The following NELL2 variants were observed in gnomAD, a reference collection of about 807,000 sequenced individuals.
NELL2 encodes neural EGFL like 2, also known as protein kinase C-binding protein NELL2.
A neutral mutation model predicts 109.6 loss-of-function variants in NELL2; 41 were observed. The ratio of observed to expected loss-of-function variants is 0.37; its 90% CI spans 0.29 to 0.49. The LOEUF is 0.49. Ranked by LOEUF, NELL2 falls within the 20% of genes least tolerant of loss-of-function variation. The pLI, the probability that NELL2 is intolerant of heterozygous loss-of-function variation, is 0.98. For missense variants in NELL2, 900 were observed against 1,008.3 expected, an observed-to-expected ratio of 0.89 and a Z score of 1.45; for synonymous variants, 355 against 344.7, an observed-to-expected ratio of 1.03 and a Z score of -0.33.
intron 1 of NELL2, among the ~76,000 whole-genome samples, chr12:44,900,428 C>A (rs1945647644): frequency 1.3e-5 from 2 of 152,124 alleles, no homozygotes; most frequent in Admixed American, 6.5e-5. Flanking sequence ...GACCACGGTG[C>A]AATGAAATTA....
chr12:44,596,395 G>A (rs1245435835), intron 15 of NELL2, among the ~76,000 whole-genome samples: 1 of 152,004 alleles, frequency 6.6e-6, no homozygotes, highest in East Asian at 1.9e-4. Context: ...CCATTTTACT[G>A]GCTGTACAGA....
At chr12:44,673,288 T>C (rs1199805640) in intron 12 of NELL2, among the ~76,000 whole-genome samples, 1 of 152,188 alleles carries the variant, frequency 6.6e-6, no homozygotes, top group East Asian at 1.9e-4. Context: ...TGGTGGAAAA[T>C]CATGTCAAAT....
chr12:44,636,752 GT>G (rs1946649420), intron 13 of NELL2, among the ~76,000 whole-genome samples: 1 of 152,046 alleles, frequency 6.6e-6, no homozygotes, highest in Non-Finnish European at 1.5e-5. Context: ...TTCTTTTTTT[GT>G]TGTGTCTCTG....
intron 1 of NELL2, 105 bp from the exon 2 acceptor site, chr12:44,875,458 G>A (rs1945288250): frequency 6.2e-7 from 1 of 1,613,816 alleles, no homozygotes; most frequent in Admixed American, 1.7e-5. Flanking sequence ...GACAATATTG[G>A]GAACTGAAGA....
intron 15 of NELL2, among the ~76,000 whole-genome samples, chr12:44,554,730 C>T (rs1943177434): frequency 1.3e-5 from 2 of 152,160 alleles, no homozygotes; most frequent in Non-Finnish European, 2.9e-5. Flanking sequence ...TGGTGTATGA[C>T]TGTCAACAAC....
chr12:44,824,939 T>C (rs1943661682), intron 2 of NELL2, among the ~76,000 whole-genome samples: 2 of 152,044 alleles, frequency 1.3e-5, no homozygotes, highest in Non-Finnish European at 2.9e-5. Flanking sequence ...CTCAATCTCC[T>C]GACCTCGTGA....
intron 2 of NELL2, among the ~76,000 whole-genome samples, chr12:44,827,366 T>A (rs758718961): frequency 1.3e-5 from 2 of 151,778 alleles, no homozygotes; most frequent in Non-Finnish European, 2.9e-5. Context: ...CTATAGTCAC[T>A]CTGTTGTGCT....
At chr12:44,600,127 A>AATTAATTTATTT (rs1025046231) in intron 15 of NELL2, among the ~76,000 whole-genome samples, 1 of 132,186 alleles carries the variant, frequency 7.6e-6, no homozygotes, top group African/African-American at 2.9e-5. Flanking sequence ...ACGCCCGGCT[A>AATTAATTTATTT]ATTTATTTAT....
intron 3 of NELL2, among the ~76,000 whole-genome samples, chr12:44,787,479 A>G (rs913724099): frequency 6.6e-6 from 1 of 152,216 alleles, no homozygotes; most frequent in African/African-American, 2.4e-5. Context: ...AAGGACATTT[A>G]GGCTATTCAA....
At chr12:44,791,959 A>G (rs749011987) in intron 3 of NELL2, among the ~76,000 whole-genome samples, 1 of 32,438 alleles carries the variant, frequency 3.1e-5, no homozygotes, top group Non-Finnish European at 7.6e-5. Context: ...TATTACAGAC[A>G]AAAAAAAAAA....
chr12:44,863,345 T>C (rs2136812475), intron 2 of NELL2, among the ~76,000 whole-genome samples: 1 of 152,318 alleles, frequency 6.6e-6, no homozygotes, highest in African/African-American at 2.4e-5. Flanking sequence ...CAAATAAGAC[T>C]ATATCATGAC....
chr12:44,893,916 A>G (rs937853891), intron 1 of NELL2, among the ~76,000 whole-genome samples: 1 of 152,248 alleles, frequency 6.6e-6, no homozygotes, highest in African/African-American at 2.4e-5. Flanking sequence ...CAGATTAAAG[A>G]TTTTTAAATT....
At chr12:44,657,176 A>C (rs1368475506) in intron 13 of NELL2, among the ~76,000 whole-genome samples, 2 of 152,208 alleles carry the variant, frequency 1.3e-5, no homozygotes, top group Non-Finnish European at 2.9e-5. Context: ...GATGAGGAAA[A>C]GTGAAGAAAA....
chr12:44,587,284 A>AAAAATATATATAT, intron 15 of NELL2, among the ~76,000 whole-genome samples: 2 of 72,220 alleles, frequency 2.8e-5, no homozygotes, highest in African/African-American at 1.0e-4. Flanking sequence ...AAAAAAAAAA[A>AAAAATATATATAT]ATATATATAT....
intron 9 of NELL2, among the ~76,000 whole-genome samples, chr12:44,715,011 G>C (rs1325966623): frequency 2.0e-5 from 3 of 151,806 alleles, no homozygotes; most frequent in Non-Finnish European, 4.4e-5. Context: ...CCAAAAAGCA[G>C]ACTTACAGCC....
chr12:44,874,198 C>T (rs531746192), intron 2 of NELL2, among the ~76,000 whole-genome samples: 117 of 152,146 alleles, frequency 7.7e-4, no homozygotes, highest in African/African-American at 2.7e-3. Flanking sequence ...TTTGCATATC[C>T]AACTCTTTAG....
intron 2 of NELL2, among the ~76,000 whole-genome samples, chr12:44,832,615 C>G (rs1831251322): frequency 1.3e-5 from 2 of 152,192 alleles, no homozygotes; most frequent in Non-Finnish European, 1.5e-5. Flanking sequence ...GCCCAAGTAA[C>G]TAAGTAAAAG....
Position 44,714,707 on chromosome 12 carries a change from T to C in NELL2, c.1029A>G (p.Glu343=). 1 of 1,603,782 alleles carries C rather than the reference T, an allele frequency of 6.2e-7. No homozygotes were observed. Among genetic ancestry groups the C allele is most frequent in the South Asian group, 1.1e-5 (1 of 89,098 alleles). ...AGGAATAGACTGTATTTCTTTCTCC[T>C]TCAAAGTAGGTTCGTCCTTGAAATT... ...ICQFQGRTYF[E]GERNTVYSSS... The change falls in exon 10 of 20, where the codon GAA becomes GAG. Residue 343 remains glutamate (E), a synonymous_variant. Transcript: ENST00000429094.
chr12:44,565,332 C>A (rs756707513), intron 15 of NELL2, among the ~76,000 whole-genome samples: 2 of 152,138 alleles, frequency 1.3e-5, no homozygotes, highest in African/African-American at 4.8e-5. Context: ...ATATGTATCA[C>A]TAAAAATGCT....
Sources: allele counts gnomAD v4.1 joint callset (sites outside exome capture counted in the v4.1 genomes callset), GRCh38; gene constraint gnomAD v4.1.1; transcripts MANE v1.5; gene names NCBI Gene and HGNC (gene_info 2026-07-23, HGNC 2026-07-21).